Variants in PHACTR1 observed in about 807,000 individuals in gnomAD.
PHACTR1 encodes the protein phosphatase and actin regulator 1, also known as RPEL repeat containing 1.
Under a neutral mutation model 69.2 loss-of-function variants are expected in PHACTR1, and 16 were observed. That is an observed-to-expected ratio of 0.23 (90% CI 0.16 to 0.35). The LOEUF is 0.35. PHACTR1 is among the 10% of genes least tolerant of loss of function. PHACTR1 has a pLI of 1.00. For missense variants in PHACTR1, 510 were observed against 734.7 expected (o/e 0.69, Z 3.54); for synonymous variants, 312 against 284.5 (o/e 1.10, Z -0.97).
intron 4 of PHACTR1, among the ~76,000 whole-genome samples, chr6:12,841,250 C>T (rs1778671910): frequency 6.6e-6 from 1 of 152,186 alleles, no homozygotes; most frequent in Admixed American, 6.5e-5. Flanking sequence ...AGATGAAGCC[C>T]TGACCCTAAG....
At chr6:13,279,112 G>A (rs113326782) in intron 12 of PHACTR1, among the ~76,000 whole-genome samples, 40 of 149,186 alleles carry the variant, frequency 2.7e-4, no homozygotes, top group Admixed American at 2.0e-3. Context: ...GCTAAATTAC[G>A]AAAGTACTGA....
chr6:12,993,434 A>G (rs770403932), intron 4 of PHACTR1, among the ~76,000 whole-genome samples: 2 of 152,226 alleles, frequency 1.3e-5, no homozygotes, highest in Non-Finnish European at 2.9e-5. Flanking sequence ...GCAGCATAAT[A>G]GACTGAACTG....
chr6:13,046,616 G>C (rs1008293039), intron 4 of PHACTR1, among the ~76,000 whole-genome samples: 17 of 151,968 alleles, frequency 1.1e-4, no homozygotes, highest in Middle Eastern at 3.2e-3. Context: ...TTATCTCCCA[G>C]CTCCTTCATG....
At position 13,106,010 on chromosome 6, in the gene PHACTR1, G is replaced by A. The variant is rs529604121; in HGVS notation, c.415+52481G>A. Among the ~76,000 whole-genome samples, 6 of 152,278 alleles carry A rather than the reference G, an allele frequency of 3.9e-5. No homozygotes were observed. The South Asian group carries it at 6.2e-4, about 16-fold the overall frequency. On this transcript the variant is annotated intron_variant, in intron 5 of 14. Coordinates refer to ENST00000332995, the MANE Select transcript of PHACTR1 (RefSeq NM_030948.6). ...TAGGGTGTGAGTTATAGTGTCTGGT[G>A]CAGCATTAGTAGGTTGATTTATGAC... is the stretch of plus-strand genomic sequence containing the variant.
intron 8 of PHACTR1, among the ~76,000 whole-genome samples, chr6:13,216,295 T>C (rs1767662689): frequency 6.6e-6 from 1 of 152,236 alleles, no homozygotes; most frequent in Non-Finnish European, 1.5e-5. Context: ...TAAAGAATAA[T>C]TCTTCCTCCT....
intron 4 of PHACTR1, among the ~76,000 whole-genome samples, chr6:12,808,818 A>C (rs935509377): frequency 4.9e-5 from 7 of 143,344 alleles, no homozygotes; most frequent in South Asian, 2.3e-4. Context: ...TCTCCTTCTT[A>C]TCCCCTTCCC....
At chr6:12,881,832 A>G (rs17617584) in intron 4 of PHACTR1, among the ~76,000 whole-genome samples, 11,207 of 152,282 alleles carry the variant, frequency 0.074, 495 homozygotes, top group Admixed American at 0.11. Flanking sequence ...GTCCCATGCC[A>G]GCAGAGAGTG....
intron 4 of PHACTR1, among the ~76,000 whole-genome samples, chr6:12,766,992 A>T (rs1424355361): frequency 6.6e-6 from 1 of 152,212 alleles, no homozygotes; most frequent in East Asian, 1.9e-4. Context: ...AATCTATATG[A>T]TATAGGCATA....
At chr6:13,047,377 C>CA (rs35293642) in intron 4 of PHACTR1, among the ~76,000 whole-genome samples, 7,891 of 53,920 alleles carry the variant, frequency 0.15, 620 homozygotes, top group Non-Finnish European at 0.19. Context: ...AACCCTGTCT[C>CA]AAAAAAAAAA....
chr6:12,872,344 G>C (rs2127442449), intron 4 of PHACTR1, among the ~76,000 whole-genome samples: 1 of 152,228 alleles, frequency 6.6e-6, no homozygotes, highest in South Asian at 2.1e-4. Context: ...ATGGATGATG[G>C]ATGCATGGAA....
At chr6:12,723,020 CTG>C (rs1277503741) in intron 3 of PHACTR1, among the ~76,000 whole-genome samples, 7 of 152,190 alleles carry the variant, frequency 4.6e-5, no homozygotes, top group African/African-American at 1.4e-4. Flanking sequence ...ACTTCAGACT[CTG>C]TAATTTTGTA....
In PHACTR1 at chr6:13,003,980, C is replaced by CAT. The variant is rs70989822; in HGVS notation, c.251-49384_251-49383insTA. Among the ~76,000 whole-genome samples the CAT allele has an allele frequency of 3.1e-4, 33 of 105,910 alleles. 2 individuals carry two copies. The highest frequency in any genetic ancestry group is 1.3e-3 in the African/African-American group (28 of 20,924). 69.5% of individuals were successfully genotyped at this position (105,910 alleles called of 152,430 possible). On this transcript the variant is annotated intron_variant, in intron 4 of 14. Coordinates refer to ENST00000332995, the MANE Select transcript of PHACTR1 (RefSeq NM_030948.6). Reference sequence around the variant, plus strand: ...ATATATATATGTATATATATATATACACATATATATATATCACATTTTCTT... The same window carrying CAT: ...ATATATATATGTATATATATATATACATACATATATATATATCACATTTTCTT...
chr6:12,777,829 G>C (rs536395521), intron 4 of PHACTR1, among the ~76,000 whole-genome samples: 38 of 151,970 alleles, frequency 2.5e-4, no homozygotes, highest in African/African-American at 8.4e-4. Context: ...ACGGGGTTTC[G>C]CCATGTTGGT....
chr6:13,284,775 C>T (rs1237262107), intron 13 of PHACTR1, among the ~76,000 whole-genome samples: 1 of 151,818 alleles, frequency 6.6e-6, no homozygotes, highest in Non-Finnish European at 1.5e-5. Flanking sequence ...AACCCTGGAT[C>T]CAGGAGGTGC....
chr6:12,944,787 A>ATTTATTTATTTATT (rs1554172585), intron 4 of PHACTR1, among the ~76,000 whole-genome samples: 15 of 116,398 alleles, frequency 1.3e-4, no homozygotes, highest in Admixed American at 4.0e-4. Context: ...ATTTTTATTT[A>ATTTATTTATTTATT]TTTTTTTTTT....
intron 4 of PHACTR1, among the ~76,000 whole-genome samples, chr6:12,780,700 G>A (rs761580834): frequency 2.0e-5 from 3 of 152,192 alleles, no homozygotes; most frequent in Non-Finnish European, 2.9e-5. Context: ...GTATTTGAGG[G>A]CATGCATTCA....
intron 8 of PHACTR1, among the ~76,000 whole-genome samples, chr6:13,214,746 T>C (rs913745495): frequency 6.6e-6 from 1 of 152,268 alleles, no homozygotes; most frequent in Admixed American, 6.5e-5. Context: ...GGAAGAATAA[T>C]TGAAATCTCT....
chr6:13,094,979 G>A (rs988087368), intron 5 of PHACTR1, among the ~76,000 whole-genome samples: 1 of 152,096 alleles, frequency 6.6e-6, no homozygotes, highest in Non-Finnish European at 1.5e-5. Flanking sequence ...TGATGTGGAA[G>A]GATTAGATAA....
rs77896541 is a variant in PHACTR1, at chr6:13,123,495, G to T, written c.416-36709G>T. On this transcript the variant is annotated intron_variant, in intron 5 of 14. Transcript: ENST00000332995. ...TTATAATGGGTGTGTATATTAAAATGGGAACAGGAAGGCCACCTAAATTTA... is the reference window on the plus strand; with the variant it reads ...TTATAATGGGTGTGTATATTAAAATTGGAACAGGAAGGCCACCTAAATTTA... 1.0e-2 allele frequency among the ~76,000 whole-genome samples: 1,519 copies of T among 152,302 alleles called. 58 individuals carry two copies. In the East Asian group the frequency reaches 0.13, roughly 13 times the overall value.
Sources: allele counts gnomAD v4.1 joint callset (sites outside exome capture counted in the v4.1 genomes callset), GRCh38; gene constraint gnomAD v4.1.1; transcripts MANE v1.5; gene names NCBI Gene and HGNC (gene_info 2026-07-23, HGNC 2026-07-21).